Variants in EXOC6B observed in about 807,000 individuals in gnomAD.
EXOC6B encodes SEC15 homolog B.
EXOC6B carries 54 observed loss-of-function variants against 113.5 expected under a neutral mutation model. The observed-to-expected ratio is 0.48, with a 90% CI of 0.38 to 0.60. EXOC6B has a LOEUF of 0.60. EXOC6B is among the 20% of genes least tolerant of loss of function. EXOC6B has a pLI of 0.00. For missense variants in EXOC6B, 797 were observed against 977.5 expected (o/e 0.82, Z 2.46); for synonymous variants, 357 against 339.0 (o/e 1.05, Z -0.58).
intron 6 of EXOC6B, among the ~76,000 whole-genome samples, chr2:72,631,245 TG>T (rs1672373749): frequency 6.6e-6 from 1 of 151,636 alleles, no homozygotes; most frequent in Admixed American, 6.6e-5. Flanking sequence ...TATGTATATG[TG>T]TATATATACA....
chr2:72,233,475 A>G (rs6748607), intron 20 of EXOC6B, among the ~76,000 whole-genome samples: 69,682 of 152,030 alleles, frequency 0.46, 20,975 homozygotes, highest in African/African-American at 0.86. Context: ...AGCCACCTGG[A>G]GGATTCACAC....
chr2:72,221,494 C>T (rs1352734587), intron 20 of EXOC6B, among the ~76,000 whole-genome samples: 1 of 152,174 alleles, frequency 6.6e-6, no homozygotes, highest in African/African-American at 2.4e-5. Flanking sequence ...AATCCCCATA[C>T]TCTCCAATCC....
At chr2:72,671,731 GAA>G (rs1225043991) in intron 6 of EXOC6B, among the ~76,000 whole-genome samples, 2 of 136,848 alleles carry the variant, frequency 1.5e-5, no homozygotes, top group Non-Finnish European at 1.6e-5. Context: ...AAGAAAGGAA[GAA>G]AGAGAGAGAG....
At chr2:72,580,092 A>C (rs894311751) in intron 6 of EXOC6B, among the ~76,000 whole-genome samples, 1 of 151,928 alleles carries the variant, frequency 6.6e-6, no homozygotes, top group Non-Finnish European at 1.5e-5. Flanking sequence ...AAAAACAAAA[A>C]AAAGCAAGCT....
At chr2:72,500,481 T>G (rs564323263) in intron 11 of EXOC6B, among the ~76,000 whole-genome samples, 14 of 150,952 alleles carry the variant, frequency 9.3e-5, no homozygotes, top group African/African-American at 2.7e-4. Flanking sequence ...CAGAACCTAA[T>G]GAAATTAAAA....
intron 18 of EXOC6B, among the ~76,000 whole-genome samples, chr2:72,409,654 G>A (rs924437572): frequency 2.0e-5 from 3 of 151,378 alleles, no homozygotes; most frequent in Non-Finnish European, 2.9e-5. Flanking sequence ...ACTCCTAGGT[G>A]GGAATTGAAC....
intron 5 of EXOC6B, among the ~76,000 whole-genome samples, chr2:72,722,455 T>C (rs1680070730): frequency 6.6e-6 from 1 of 152,180 alleles, no homozygotes; most frequent in Non-Finnish European, 1.5e-5. Flanking sequence ...TTTTACTTGG[T>C]TTTTTTGTTT....
intron 8 of EXOC6B, among the ~76,000 whole-genome samples, chr2:72,547,324 G>C (rs1353858790): frequency 1.3e-5 from 2 of 152,248 alleles, no homozygotes; most frequent in African/African-American, 4.8e-5. Flanking sequence ...TATTTTAATT[G>C]CTATCGCTGG....
chr2:72,432,705 G>A (rs1315003517), intron 18 of EXOC6B, among the ~76,000 whole-genome samples: 3 of 152,066 alleles, frequency 2.0e-5, no homozygotes, highest in African/African-American at 7.2e-5. Flanking sequence ...CATGTTTCTT[G>A]GAGGCATAAG....
At chr2:72,600,046 T>C (rs1670313688) in intron 6 of EXOC6B, among the ~76,000 whole-genome samples, 1 of 152,158 alleles carries the variant, frequency 6.6e-6, no homozygotes. Context: ...AAACTGATTC[T>C]AAAGTTTGTA....
intron 20 of EXOC6B, among the ~76,000 whole-genome samples, chr2:72,233,019 C>T (rs1240605114): frequency 6.6e-6 from 1 of 151,546 alleles, no homozygotes; most frequent in African/African-American, 2.4e-5. Flanking sequence ...TTTCAGTGAG[C>T]CGAGACCATG....
chr2:72,647,468 C>A (rs1295436221), intron 6 of EXOC6B, among the ~76,000 whole-genome samples: 4 of 152,132 alleles, frequency 2.6e-5, no homozygotes, highest in Non-Finnish European at 5.9e-5. Context: ...GCCTGCATTG[C>A]CAAGACAATC....
intron 15 of EXOC6B, among the ~76,000 whole-genome samples, chr2:72,494,105 A>T (rs1385822062): frequency 1.3e-5 from 2 of 152,172 alleles, no homozygotes; most frequent in African/African-American, 4.8e-5. Context: ...AAATGTGAAA[A>T]GTATCAAAGG....
chr2:72,683,140 T>C (rs901508188), intron 6 of EXOC6B, among the ~76,000 whole-genome samples: 1 of 152,208 alleles, frequency 6.6e-6, no homozygotes, highest in Non-Finnish European at 1.5e-5. Context: ...AGTCTCTACT[T>C]AGAAAAATAT....
chr2:72,444,088 T>C (rs530139524), intron 18 of EXOC6B, among the ~76,000 whole-genome samples: 31 of 152,296 alleles, frequency 2.0e-4, no homozygotes, highest in African/African-American at 7.0e-4. Flanking sequence ...ATTTCCTAGA[T>C]ACAATGGGGG....
rs183909861 is a variant in EXOC6B at position 72,403,151 on chromosome 2, T to A, written c.1981-23281A>T. On this transcript the variant is annotated intron_variant, in intron 18 of 21. Transcript: ENST00000272427. ...TTTTCTGAGTGTATTGCACTTAGCATGCACATGGCTTTATAAATTTACCAA... is the reference window on the plus strand; with the variant it reads ...TTTTCTGAGTGTATTGCACTTAGCAAGCACATGGCTTTATAAATTTACCAA... 5.3e-5 allele frequency among the ~76,000 whole-genome samples: 8 copies of A among 152,362 alleles called. No homozygotes were observed. The East Asian group carries it at 1.5e-3, about 29-fold the overall frequency.
intron 7 of EXOC6B, among the ~76,000 whole-genome samples, chr2:72,562,837 T>C (rs913871638): frequency 6.6e-6 from 1 of 152,202 alleles, no homozygotes; most frequent in Admixed American, 6.5e-5. Context: ...TGTATTTTTC[T>C]AGAAGTTCAA....
At chr2:72,395,980 G>C (rs1048651474) in intron 18 of EXOC6B, among the ~76,000 whole-genome samples, 3 of 152,020 alleles carry the variant, frequency 2.0e-5, no homozygotes, top group Non-Finnish European at 1.5e-5. Context: ...TTATATGGGT[G>C]TCCCAGATAG....
intron 20 of EXOC6B, among the ~76,000 whole-genome samples, chr2:72,218,313 C>T (rs902193150): frequency 6.6e-6 from 1 of 152,166 alleles, no homozygotes; most frequent in African/African-American, 2.4e-5. Flanking sequence ...AGCATAAAGT[C>T]ATTTACAGTT....
Sources: allele counts gnomAD v4.1 joint callset (sites outside exome capture counted in the v4.1 genomes callset), GRCh38; gene constraint gnomAD v4.1.1; transcripts MANE v1.5; gene names NCBI Gene and HGNC (gene_info 2026-07-23, HGNC 2026-07-21).